Variants in DRG2 observed in about 807,000 individuals in gnomAD.
The protein encoded by DRG2 is developmentally regulated GTP binding protein 2, also known as developmentally-regulated GTP-binding protein 2.
Under a neutral mutation model 53.4 loss-of-function variants are expected in DRG2, and 36 were observed. The observed-to-expected ratio is 0.67, with a 90% CI of 0.52 to 0.89. The LOEUF (loss-of-function observed/expected upper bound fraction) is 0.89, where lower values mean the gene tolerates loss of function less well. DRG2 is among the 40% of genes least tolerant of loss of function. The probability of loss-of-function intolerance (pLI) is 0.00; values close to 1 mark genes in which losing one functional copy is unlikely to be tolerated. For missense variants in DRG2, 342 were observed against 481.2 expected (o/e 0.71, Z 2.71); for synonymous variants, 167 against 192.1 (o/e 0.87, Z 1.08).
chr17:18,104,247 C>T (rs1394655506), intron 10 of DRG2, among the ~76,000 whole-genome samples: 1 of 152,174 alleles, frequency 6.6e-6, no homozygotes, highest in Admixed American at 6.5e-5. Flanking sequence ...GTCCCAACAG[C>T]TGAATTCGGA....
intron 1 of DRG2, among the ~76,000 whole-genome samples, chr17:18,089,847 G>A (rs2045282091): frequency 6.6e-6 from 1 of 151,976 alleles, no homozygotes. Flanking sequence ...GGGCTGGGGT[G>A]CAGTGATGGG....
chr17:18,106,314 CA>C (rs2045629623), intron 11 of DRG2, 118 bp from the exon 12 acceptor site: 2 of 1,096,006 alleles, frequency 1.8e-6, no homozygotes, highest in Non-Finnish European at 2.8e-6. Context: ...ACTGTGTGGG[CA>C]CCTGCCGCGG....
Position 18,099,592 on chromosome 17 carries a change from A to G in DRG2, c.377-41A>G, listed in dbSNP as rs749139383. On this transcript the variant is annotated intron_variant, in intron 4 of 12. Transcript: ENST00000225729. This position sits in a 1 kb window ranked among gnomAD's most constrained non-coding sequence, Gnocchi z 4.4. ...GCGCCGTGGGCTGGGTAGCAGTCAC[A>G]TGGGTCCACATATGTAACTGCATCC... 46 of 1,569,750 alleles carry G rather than the reference A, an allele frequency of 2.9e-5. No homozygotes were observed. The highest frequency in any genetic ancestry group is 3.3e-4 in the Middle Eastern group (2 of 6,034).
Position 18,093,944 on chromosome 17 carries a change from G to T in DRG2, c.196G>T (p.Ala66Ser), listed in dbSNP as rs2045382757. ...DVMKSGDARV[A>S]LIGFPSVGKS... ...CATGAAGTCGGGTGATGCCCGTGTG[G>T]CGCTGATTGGATTTCCCTCTGTGGG... Residue 66 changes from alanine (A) to serine (S), a missense_variant, in exon 2 of 13, where the codon GCG (alanine) becomes TCG (serine). Ala to Ser is a moderately conservative substitution (Grantham distance 99). Transcript: ENST00000225729. 2 of 1,614,190 alleles carry T rather than the reference G, an allele frequency of 1.2e-6. No individual in the cohort carries two copies. Among genetic ancestry groups the T allele is most frequent in the East Asian group, 4.5e-5 (2 of 44,866 alleles).
Position 18,098,413 on chromosome 17 carries a change from C to T in DRG2, c.315+54C>T. On this transcript the variant is annotated intron_variant, in intron 3 of 12. Coordinates refer to ENST00000225729, the MANE Select transcript of DRG2 (RefSeq NM_001388.5). The surrounding 1 kb of genome is among the most constrained non-coding windows in gnomAD (Gnocchi z 4.1). Reference sequence around the variant, plus strand: ...GAAGGGGCGCATGCTTGTGTTTGGACTTGTGCCTGTGCCCACCCTGTGTGT... The same window carrying T: ...GAAGGGGCGCATGCTTGTGTTTGGATTTGTGCCTGTGCCCACCCTGTGTGT... The T allele has an allele frequency of 2.0e-6, 3 of 1,530,356 alleles. No individual in the cohort carries two copies. Among genetic ancestry groups the T allele is most frequent in the Non-Finnish European group, 2.7e-6 (3 of 1,105,412 alleles). 94.8% of individuals were successfully genotyped at this position (1,530,356 alleles called of 1,614,324 possible). A position where few individuals can be genotyped will look rare whatever the true frequency, so the allele number is the denominator to read the frequency against.
At chr17:18,090,125 G>A (rs1224521017) in intron 1 of DRG2, among the ~76,000 whole-genome samples, 1 of 150,334 alleles carries the variant, frequency 6.7e-6, no homozygotes, top group Non-Finnish European at 1.5e-5. Context: ...CTTCAGAGAT[G>A]CTCAGAATTT....
rs147901932 is a variant in DRG2 at position 18,107,338 on chromosome 17, G to C, written c.*98G>C. 9 of 1,210,446 alleles carry C rather than the reference G, an allele frequency of 7.4e-6. 1 individual carries two copies. The highest frequency in any genetic ancestry group is 6.4e-5 in the South Asian group (5 of 77,956). 75.0% of individuals were successfully genotyped at this position (1,210,446 alleles called of 1,614,324 possible). A position where few individuals can be genotyped will look rare whatever the true frequency, so the allele number is the denominator to read the frequency against. On this transcript the variant is annotated 3_prime_UTR_variant, in exon 13 of 13. Transcript: ENST00000225729. ...CCCAAACAGAAAAATACAAATACAC[G>C]TACCCCAGGAAGGGGTCCCTCAAGT...
Position 18,099,750 on chromosome 17 carries a change from C to T in DRG2, c.467+27C>T, listed in dbSNP as rs565178915. 110 of 1,578,502 alleles carry T rather than the reference C, an allele frequency of 7.0e-5. 1 individual carries two copies. The South Asian group carries it at 1.2e-3, about 17-fold the overall frequency. ...TCCGCAGGGTGGGGCATGGGGCAGG[C>T]TCACATGTCTGGGGAGGGCCAATGT... On this transcript the variant is annotated intron_variant, in intron 5 of 12. Coordinates refer to ENST00000225729, the MANE Select transcript of DRG2 (RefSeq NM_001388.5). The surrounding 1 kb of genome is among the most constrained non-coding windows in gnomAD (Gnocchi z 4.4).
Position 18,100,301 on chromosome 17 carries a change from G to A in DRG2, c.468-62G>A. 2 of 1,551,232 alleles carry A rather than the reference G, an allele frequency of 1.3e-6. No homozygotes were observed. The highest frequency in any genetic ancestry group is 8.9e-7 in the Non-Finnish European group (1 of 1,123,794). ...GTGGGCAGTGACATCCTGCGTAACAGGGAAGCTGTGCATCTGGCTCTGTGG... is the reference window on the plus strand; with the variant it reads ...GTGGGCAGTGACATCCTGCGTAACAAGGAAGCTGTGCATCTGGCTCTGTGG... On this transcript the variant is annotated intron_variant, in intron 5 of 12. Coordinates refer to ENST00000225729, the MANE Select transcript of DRG2 (RefSeq NM_001388.5). The surrounding 1 kb of genome is among the most constrained non-coding windows in gnomAD (Gnocchi z 4.1).
In DRG2 at chr17:18,099,859, C is replaced by G; in HGVS notation, c.467+136C>G. The G allele has an allele frequency of 1.2e-6, 1 of 805,954 alleles. No individual in the cohort carries two copies. Among genetic ancestry groups the G allele is most frequent in the Non-Finnish European group, 2.0e-6 (1 of 495,234 alleles). The allele number at this position is 805,954 out of a possible 1,614,324, so 49.9% of individuals were successfully genotyped here. A position where few individuals can be genotyped will look rare whatever the true frequency, so the allele number is the denominator to read the frequency against. On this transcript the variant is annotated intron_variant, in intron 5 of 12. Transcript: ENST00000225729. This position sits in a 1 kb window ranked among gnomAD's most constrained non-coding sequence, Gnocchi z 4.4. ...GTGGTAGGACTTGTCACAGACTAAA[C>G]CCAACACCACCCAGCCTATGGCGTC...
At chr17:18,090,372 A>T (rs12949525) in intron 1 of DRG2, among the ~76,000 whole-genome samples, 3,422 of 8,820 alleles carry the variant, frequency 0.39, 364 homozygotes, top group Middle Eastern at 0.5. Context: ...GCTAATTTAT[A>T]TATATATATA....
chr17:18,106,173 G>C, intron 11 of DRG2: 2 of 521,544 alleles, frequency 3.8e-6, no homozygotes, highest in South Asian at 2.2e-5. Context: ...CCTTCCCCTG[G>C]TGGCTTTGGG....
intron 2 of DRG2, chr17:18,097,025 C>T (rs1431800468): frequency 6.6e-6 from 1 of 152,200 alleles, no homozygotes; most frequent in Non-Finnish European, 1.5e-5. Context: ...TACCAAGAGC[C>T]GTGACCCTTG....
At chr17:18,101,888 C>T (rs776303179) in intron 8 of DRG2, 33 bp from the exon 9 acceptor site, 4 of 1,595,312 alleles carry the variant, frequency 2.5e-6, no homozygotes, top group Non-Finnish European at 3.4e-6. Flanking sequence ...TTGCTCCTGT[C>T]CTCAGCACCG....
At chr17:18,090,386 ATATATATATATATATATATATTT>A (rs2045301821) in intron 1 of DRG2, among the ~76,000 whole-genome samples, 2 of 10,666 alleles carry the variant, frequency 1.9e-4, no homozygotes, top group African/African-American at 1.3e-3. Flanking sequence ...ATATATATAT[ATATATATATATATATATATATTT>A]TTTTTTTTTT....
intron 2 of DRG2, chr17:18,097,314 C>G (rs893987812): frequency 1.3e-5 from 2 of 152,242 alleles, no homozygotes; most frequent in African/African-American, 2.4e-5. Context: ...ATGCCACATT[C>G]TGGACTTGAG....
At position 18,103,137 on chromosome 17, in the gene DRG2, T is replaced by C. The variant is rs1319294836; in HGVS notation, c.807-664T>C. Among the ~76,000 whole-genome samples the C allele has an allele frequency of 1.3e-5, 2 of 152,174 alleles. No homozygotes were observed. The highest frequency in any genetic ancestry group is 2.9e-5 in the Non-Finnish European group (2 of 68,020). On this transcript the variant is annotated intron_variant, in intron 9 of 12. Coordinates refer to ENST00000225729, the MANE Select transcript of DRG2 (RefSeq NM_001388.5). This position sits in a 1 kb window ranked among gnomAD's most constrained non-coding sequence, Gnocchi z 4.4. ...CTCCTCCTGCTGTGTCCCAGGCCTT[T>C]GAGGGGCTGCCATCCTCAGGGCGTG...
At position 18,100,064 on chromosome 17, in the gene DRG2, A is replaced by C; in HGVS notation, c.468-299A>C. 5.2e-6 allele frequency: 3 copies of C among 576,538 alleles called. No homozygotes were observed. Among genetic ancestry groups the C allele is most frequent in the Non-Finnish European group, 9.3e-6 (3 of 322,776 alleles). 35.7% of individuals were successfully genotyped at this position (576,538 alleles called of 1,614,324 possible). A position where few individuals can be genotyped will look rare whatever the true frequency, so the allele number is the denominator to read the frequency against. ...CATCCACATCCTGGCAGAGGGGTAC[A>C]CCAGGCCTGCCTCCTCGGGACCAGA... On this transcript the variant is annotated intron_variant, in intron 5 of 12. Coordinates refer to ENST00000225729, the MANE Select transcript of DRG2 (RefSeq NM_001388.5). This position sits in a 1 kb window ranked among gnomAD's most constrained non-coding sequence, Gnocchi z 4.1.
At chr17:18,096,206 C>T (rs936633335) in intron 2 of DRG2, 4 of 152,174 alleles carry the variant, frequency 2.6e-5, no homozygotes, top group Admixed American at 1.3e-4. Flanking sequence ...GTTTCTCCAC[C>T]GTGGAGACGC....
Sources: allele counts gnomAD v4.1 joint callset (sites outside exome capture counted in the v4.1 genomes callset), GRCh38; gene constraint gnomAD v4.1.1; non-coding constraint Gnocchi (gnomAD v3.1); transcripts MANE v1.5; gene names NCBI Gene and HGNC (gene_info 2026-07-23, HGNC 2026-07-21).